The following CCSER1 variants were observed in gnomAD, a reference collection of about 807,000 sequenced individuals.
The protein encoded by CCSER1 is serine-rich coiled-coil domain-containing protein 1.
Under a neutral mutation model 82.0 loss-of-function variants are expected in CCSER1, and 41 were observed. The ratio of observed to expected loss-of-function variants is 0.50; its 90% CI spans 0.39 to 0.65. The LOEUF (loss-of-function observed/expected upper bound fraction) is 0.65. Ranked by LOEUF, CCSER1 falls within the 30% of genes least tolerant of loss-of-function variation. The pLI, the probability that CCSER1 is intolerant of heterozygous loss-of-function variation, is 0.00. For missense variants in CCSER1, 1,119 were observed against 1,064.2 expected, an observed-to-expected ratio of 1.05 and a Z score of -0.72; for synonymous variants, 414 against 383.9, an observed-to-expected ratio of 1.08 and a Z score of -0.92.
At chr4:91,559,328 T>C (rs1373558474) in intron 10 of CCSER1, among the ~76,000 whole-genome samples, 1 of 151,634 alleles carries the variant, frequency 6.6e-6, no homozygotes, top group Non-Finnish European at 1.5e-5. Flanking sequence ...TCAAGAATTC[T>C]CCAAATAAAA....
At chr4:91,015,761 G>A (rs1225825193) in intron 9 of CCSER1, among the ~76,000 whole-genome samples, 3 of 151,936 alleles carry the variant, frequency 2.0e-5, no homozygotes, top group Non-Finnish European at 4.4e-5. Context: ...TGTATTAAAA[G>A]CAATTCAGCA....
intron 1 of CCSER1, among the ~76,000 whole-genome samples, chr4:90,272,875 C>T (rs944491818): frequency 1.4e-4 from 21 of 152,048 alleles, no homozygotes; most frequent in Non-Finnish European, 2.1e-4. Flanking sequence ...TGGTGGCATG[C>T]GCCTGTAATC....
chr4:90,831,026 C>T (rs1417686700), intron 8 of CCSER1, among the ~76,000 whole-genome samples: 1 of 151,988 alleles, frequency 6.6e-6, no homozygotes, highest in Non-Finnish European at 1.5e-5. Flanking sequence ...GTTGGTTTTA[C>T]TGTCAGTCTC....
At chr4:90,551,214 G>T (rs1045347175) in intron 5 of CCSER1, among the ~76,000 whole-genome samples, 2 of 152,100 alleles carry the variant, frequency 1.3e-5, no homozygotes, top group South Asian at 2.1e-4. Context: ...ATGTGTGATA[G>T]AATGCATGAT....
At chr4:91,040,524 G>A (rs1741868592) in intron 9 of CCSER1, among the ~76,000 whole-genome samples, 1 of 152,152 alleles carries the variant, frequency 6.6e-6, no homozygotes, top group South Asian at 2.1e-4. Flanking sequence ...GCAGAGTCTA[G>A]AATCTAAAGA....
At chr4:90,830,824 T>G (rs570601030) in intron 8 of CCSER1, among the ~76,000 whole-genome samples, 1 of 152,262 alleles carries the variant, frequency 6.6e-6, no homozygotes, top group African/African-American at 2.4e-5. Flanking sequence ...GTAGTAACAC[T>G]AAATTACTAT....
chr4:90,723,562 C>A (rs1436994291), intron 6 of CCSER1, among the ~76,000 whole-genome samples: 1 of 151,336 alleles, frequency 6.6e-6, no homozygotes, highest in Non-Finnish European at 1.5e-5. Context: ...ATTGAAATAG[C>A]AACATAATGA....
chr4:91,144,650 T>C (rs1729374999), intron 10 of CCSER1, among the ~76,000 whole-genome samples: 2 of 151,804 alleles, frequency 1.3e-5, no homozygotes, highest in African/African-American at 4.8e-5. Flanking sequence ...GAGATTTTGG[T>C]ATATTGTGTC....
intron 9 of CCSER1, among the ~76,000 whole-genome samples, chr4:91,037,251 C>CAT (rs1373181719): frequency 5.2e-5 from 7 of 135,476 alleles, no homozygotes; most frequent in African/African-American, 8.1e-5. Flanking sequence ...CACACACACA[C>CAT]ACACACATAC....
chr4:91,341,779 C>T (rs1215239623), intron 10 of CCSER1, among the ~76,000 whole-genome samples: 5 of 152,264 alleles, frequency 3.3e-5, no homozygotes, highest in Middle Eastern at 3.4e-3. Context: ...TCAAGTGATC[C>T]GCCTGCCTCG....
chr4:91,444,693 G>A (rs928813909), intron 10 of CCSER1, among the ~76,000 whole-genome samples: 9 of 152,036 alleles, frequency 5.9e-5, no homozygotes, highest in East Asian at 3.9e-4. Flanking sequence ...CAGGTGACCA[G>A]CCCACCTTGG....
At chr4:90,243,833 A>G (rs1318083131) in intron 1 of CCSER1, among the ~76,000 whole-genome samples, 3 of 151,972 alleles carry the variant, frequency 2.0e-5, no homozygotes. Flanking sequence ...TACTTCTCTT[A>G]CAAGTGGGAA....
At chr4:91,438,672 A>G (rs1457430936) in intron 10 of CCSER1, among the ~76,000 whole-genome samples, 4 of 152,220 alleles carry the variant, frequency 2.6e-5, no homozygotes, top group African/African-American at 9.6e-5. Flanking sequence ...GCTTCAGATG[A>G]TCAAACTACT....
At chr4:91,209,879 AT>A (rs1165696863) in intron 10 of CCSER1, among the ~76,000 whole-genome samples, 1 of 151,738 alleles carries the variant, frequency 6.6e-6, no homozygotes, top group Non-Finnish European at 1.5e-5. Context: ...ACCTACATAC[AT>A]ATACTCTATA....
intron 10 of CCSER1, chr4:91,319,749 G>C: frequency 2.2e-6 from 1 of 455,294 alleles, no homozygotes; most frequent in Middle Eastern, 3.3e-4. Context: ...AGCACCATTT[G>C]TTAATCACCT....
At chr4:90,849,848 G>A (rs1279424205) in intron 8 of CCSER1, among the ~76,000 whole-genome samples, 2 of 150,674 alleles carry the variant, frequency 1.3e-5, no homozygotes, top group East Asian at 1.9e-4. Context: ...CAAGCCCTAT[G>A]CAGAAATTTG....
At chr4:90,259,672 T>C (rs942935728) in intron 1 of CCSER1, among the ~76,000 whole-genome samples, 3 of 152,190 alleles carry the variant, frequency 2.0e-5, no homozygotes, top group African/African-American at 7.2e-5. Flanking sequence ...TATGAAGGGA[T>C]GCTGGATTTT....
intron 10 of CCSER1, among the ~76,000 whole-genome samples, chr4:91,527,126 T>G (rs1359795648): frequency 6.6e-6 from 1 of 152,196 alleles, no homozygotes; most frequent in Admixed American, 6.5e-5. Context: ...GAGTAGAACA[T>G]TAACAGATCT....
At chr4:90,988,794 A>G (rs1048449878) in intron 9 of CCSER1, among the ~76,000 whole-genome samples, 3 of 151,940 alleles carry the variant, frequency 2.0e-5, no homozygotes, top group African/African-American at 7.2e-5. Flanking sequence ...AATACATGGA[A>G]AATTAGAAGC....
Sources: gnomAD v4.1 joint callset for allele counts (sites outside exome capture counted in the v4.1 genomes callset) on GRCh38, gnomAD v4.1.1 for gene constraint, MANE v1.5 for transcripts, NCBI Gene and HGNC (gene_info 2026-07-23, HGNC 2026-07-21) for gene names.